Variants in TRAPPC10 observed in about 807,000 individuals in gnomAD.
The protein encoded by TRAPPC10 is trafficking protein particle complex subunit 10, also known as TRAPP 130 kDa subunit.
In TRAPPC10, 23 loss-of-function variants were observed where a neutral mutation model predicts 125.5. The observed-to-expected ratio is 0.18, with a 90% CI of 0.13 to 0.26. TRAPPC10 has a LOEUF of 0.26. TRAPPC10 is among the 10% of genes least tolerant of loss of function. TRAPPC10 has a pLI of 1.00. For missense variants in TRAPPC10, 1,123 were observed against 1,308.4 expected, an observed-to-expected ratio of 0.86 and a Z score of 2.19; for synonymous variants, 509 against 518.0, an observed-to-expected ratio of 0.98 and a Z score of 0.24.
intron 13 of TRAPPC10, among the ~76,000 whole-genome samples, chr21:44,080,966 G>T (rs2037665174): frequency 6.7e-6 from 1 of 149,408 alleles, no homozygotes; most frequent in Non-Finnish European, 1.5e-5. Flanking sequence ...GTCTGTTTCA[G>T]GAATATGTGC....
At chr21:44,048,950 G>A (rs528993261) in intron 3 of TRAPPC10, among the ~76,000 whole-genome samples, 12 of 152,212 alleles carry the variant, frequency 7.9e-5, no homozygotes, top group African/African-American at 2.6e-4. Context: ...TAATATCATT[G>A]ATGTGCAGAT....
intron 18 of TRAPPC10, among the ~76,000 whole-genome samples, chr21:44,091,574 G>T (rs1250929291): frequency 6.6e-6 from 1 of 152,080 alleles, no homozygotes; most frequent in Non-Finnish European, 1.5e-5. Flanking sequence ...CGAGCAGCTG[G>T]GATTACAGAC....
chr21:44,081,005 C>CTTTTTTTTTTCTTT (rs2037673502), intron 13 of TRAPPC10, among the ~76,000 whole-genome samples: 1 of 103,868 alleles, frequency 9.6e-6, no homozygotes, highest in African/African-American at 3.2e-5. Context: ...TATTATTGTT[C>CTTTTTTTTTTCTTT]TTTTTTTTTT....
chr21:44,087,577 A>C lies in TRAPPC10; in HGVS notation c.2540-122A>C. On this transcript the variant is annotated intron_variant, in intron 16 of 22. Transcript: ENST00000291574. This position sits in a 1 kb window ranked among gnomAD's most constrained non-coding sequence, Gnocchi z 4.6. Reference sequence around the variant, plus strand: ...GGCCTTGTTCTTGGGTTTGCCTGCCAGGTGCGCAGGAGCGGGAGAGGTTGA... The same window carrying C: ...GGCCTTGTTCTTGGGTTTGCCTGCCCGGTGCGCAGGAGCGGGAGAGGTTGA... The C allele has an allele frequency of 1.2e-6, 1 of 843,492 alleles. No individual in the cohort carries two copies. The highest frequency in any genetic ancestry group is 2.6e-5 in the East Asian group (1 of 38,252). The allele number at this position is 843,492 out of a possible 1,614,324, so 52.3% of individuals were successfully genotyped here.
At chr21:44,093,405 G>T (rs931526747) in intron 19 of TRAPPC10, among the ~76,000 whole-genome samples, 3 of 151,522 alleles carry the variant, frequency 2.0e-5, no homozygotes, top group Non-Finnish European at 2.9e-5. Flanking sequence ...AATGAGCTGT[G>T]ATCACACCAC....
chr21:44,069,377 C>A (rs773347641), intron 7 of TRAPPC10, among the ~76,000 whole-genome samples: 12 of 152,110 alleles, frequency 7.9e-5, no homozygotes, highest in Non-Finnish European at 1.3e-4. Context: ...GAGAGGAAAT[C>A]CAAATGGCCG....
At chr21:44,031,586 A>T (rs1381802565) in intron 1 of TRAPPC10, among the ~76,000 whole-genome samples, 1 of 152,182 alleles carries the variant, frequency 6.6e-6, no homozygotes, top group Non-Finnish European at 1.5e-5. Context: ...TATGGGGAAG[A>T]CAGAATGAGA....
chr21:44,061,286 G>A (rs943917858), intron 6 of TRAPPC10, among the ~76,000 whole-genome samples: 14 of 152,204 alleles, frequency 9.2e-5, no homozygotes, highest in East Asian at 5.8e-4. Flanking sequence ...ACAGGTGCCC[G>A]CCACCAAGCC....
intron 11 of TRAPPC10, 131 bp downstream of exon 11, chr21:44,077,915 T>C (rs962165741): frequency 2.8e-4 from 150 of 542,366 alleles, no homozygotes; most frequent in Middle Eastern, 5.4e-4. Context: ...TACCCAGTCC[T>C]CATAATTTTT....
Position 44,082,349 on chromosome 21 carries a change from T to G in TRAPPC10, c.1724-439T>G, listed in dbSNP as rs559369839. On this transcript the variant is annotated intron_variant, in intron 13 of 22. Coordinates refer to ENST00000291574, the MANE Select transcript of TRAPPC10 (RefSeq NM_003274.5). The surrounding 1 kb of genome is among the most constrained non-coding windows in gnomAD (Gnocchi z 4.4). The stretch of plus-strand genomic sequence containing the variant: ...TGCTTAATCGGCTGACTTTGTAGAC[T>G]GGCAGACACCTGGGGTTTGTTTCCA... Among the ~76,000 whole-genome samples, 1 of 152,222 alleles carries G rather than the reference T, an allele frequency of 6.6e-6. No homozygotes were observed. The highest frequency in any genetic ancestry group is 1.5e-5 in the Non-Finnish European group (1 of 68,040).
chr21:44,037,773 T>C lies in TRAPPC10; in HGVS notation c.150-19T>C. 6.2e-7 allele frequency: 1 copy of C among 1,606,402 alleles called. No individual in the cohort carries two copies. The highest frequency in any genetic ancestry group is 8.5e-7 in the Non-Finnish European group (1 of 1,176,438). On this transcript the variant is annotated intron_variant, in intron 2 of 22. Coordinates refer to ENST00000291574, the MANE Select transcript of TRAPPC10 (RefSeq NM_003274.5). ...GCTGTTTAGTTGTTTTCTCAGTGAC[T>C]TCAAACAATTGTTTACAGGTCCTAT...
intron 13 of TRAPPC10, among the ~76,000 whole-genome samples, chr21:44,081,005 C>CTTT (rs71326026): frequency 5.8e-5 from 6 of 103,868 alleles, no homozygotes; most frequent in Admixed American, 1.0e-4. Flanking sequence ...TATTATTGTT[C>CTTT]TTTTTTTTTT....
intron 2 of TRAPPC10, among the ~76,000 whole-genome samples, chr21:44,033,106 A>C (rs566571339): frequency 6.6e-6 from 1 of 152,344 alleles, no homozygotes; most frequent in South Asian, 2.1e-4. Flanking sequence ...GTTACTTGTA[A>C]ATATAAAGTT....
intron 18 of TRAPPC10, among the ~76,000 whole-genome samples, chr21:44,090,967 C>T (rs963393450): frequency 1.3e-5 from 2 of 151,828 alleles, no homozygotes; most frequent in African/African-American, 2.4e-5. Context: ...CCGAGGCAGG[C>T]GGATCACGAG....
Position 44,029,126 on chromosome 21 carries a change from G to A in TRAPPC10, c.68-2965G>A, listed in dbSNP as rs1318657908. On this transcript the variant is annotated intron_variant, in intron 1 of 22. Coordinates refer to ENST00000291574, the MANE Select transcript of TRAPPC10 (RefSeq NM_003274.5). ...GTTTGTTTTTTTGAGACGGAGTCTC[G>A]CTCTGTCGCCCGGGCTGGAGTGCAG... is the stretch of plus-strand genomic sequence containing the variant. Among the ~76,000 whole-genome samples the A allele has an allele frequency of 5.3e-5, 8 of 151,996 alleles. No homozygotes were observed. In the East Asian group the frequency reaches 1.2e-3, roughly 22 times the overall value.
chr21:44,065,568 G>T (rs192421916), intron 7 of TRAPPC10, among the ~76,000 whole-genome samples: 235 of 152,308 alleles, frequency 1.5e-3, no homozygotes, highest in African/African-American at 5.2e-3. Context: ...GCAAGGACGT[G>T]TCACCCACTG....
intron 1 of TRAPPC10, among the ~76,000 whole-genome samples, chr21:44,029,311 A>G (rs1377332796): frequency 6.6e-6 from 1 of 151,860 alleles, no homozygotes; most frequent in African/African-American, 2.4e-5. Flanking sequence ...GTCCAGGATG[A>G]TCTCTATCAC....
intron 4 of TRAPPC10, 91 bp from the exon 5 acceptor site, chr21:44,055,607 A>C: frequency 5.8e-6 from 6 of 1,034,904 alleles, no homozygotes; most frequent in East Asian, 2.4e-5. Flanking sequence ...GGAGGAAGGA[A>C]GAAAATTGCC....
At chr21:44,018,625 G>A (rs1444542548) in intron 1 of TRAPPC10, among the ~76,000 whole-genome samples, 1 of 151,856 alleles carries the variant, frequency 6.6e-6, no homozygotes, top group Non-Finnish European at 1.5e-5. Flanking sequence ...CTTGAATCTG[G>A]GAGGCGGAGG....
Sources: allele counts gnomAD v4.1 joint callset (sites outside exome capture counted in the v4.1 genomes callset), GRCh38; gene constraint gnomAD v4.1.1; non-coding constraint Gnocchi (gnomAD v3.1); transcripts MANE v1.5; gene names NCBI Gene and HGNC (gene_info 2026-07-23, HGNC 2026-07-21).